The following MCCC2 variants were observed in gnomAD, a reference collection of about 807,000 sequenced individuals.
MCCC2 encodes methylcrotonyl-CoA carboxylase subunit 2.
MCCC2 carries 52 observed loss-of-function variants against 77.2 expected under a neutral mutation model. That is an observed-to-expected ratio of 0.67 (90% CI 0.54 to 0.85). The LOEUF (loss-of-function observed/expected upper bound fraction) is 0.85, where lower values mean the gene tolerates loss of function less well. Among genes scored for constraint, MCCC2 ranks in the 40% least tolerant of loss-of-function variants. The pLI, the probability that MCCC2 is intolerant of heterozygous loss-of-function variation, is 0.00. For missense variants in MCCC2, 682 were observed against 703.2 expected (o/e 0.97, Z 0.34); for synonymous variants, 253 against 248.4 (o/e 1.02, Z -0.18).
intron 4 of MCCC2, among the ~76,000 whole-genome samples, chr5:71,599,997 C>G (rs942617119): frequency 4.6e-5 from 7 of 152,058 alleles, no homozygotes; most frequent in African/African-American, 1.4e-4. Context: ...GAAACCCTGT[C>G]TCTACTAAAA....
In MCCC2 at chr5:71,655,207, A is replaced by G. The variant is rs533800475; in HGVS notation, c.1575-1536A>G. Among the ~76,000 whole-genome samples the G allele has an allele frequency of 2.0e-4, 31 of 152,304 alleles. No homozygotes were observed. The South Asian group carries it at 3.5e-3, about 17-fold the overall frequency. The stretch of plus-strand genomic sequence containing the variant: ...GACAGCAGCTTTCTTTCAAAGCTGA[A>G]AGGATTTCCAAGCCAGTTTATGGTA... On this transcript the variant is annotated intron_variant, in intron 16 of 16. Coordinates refer to ENST00000340941, the MANE Select transcript of MCCC2 (RefSeq NM_022132.5).
At chr5:71,628,270 G>A (rs1365765372) in intron 7 of MCCC2, among the ~76,000 whole-genome samples, 2 of 152,306 alleles carry the variant, frequency 1.3e-5, no homozygotes, top group East Asian at 3.9e-4. Context: ...TTCTATATGT[G>A]TTCTGAATAC....
chr5:71,597,963 A>C (rs1200637241), intron 3 of MCCC2, among the ~76,000 whole-genome samples: 1 of 152,056 alleles, frequency 6.6e-6, no homozygotes, highest in Non-Finnish European at 1.5e-5. Context: ...GTGTAACCTT[A>C]GACAAGTGAC....
intron 6 of MCCC2, among the ~76,000 whole-genome samples, chr5:71,608,886 G>A (rs2112348587): frequency 6.6e-6 from 1 of 152,260 alleles, no homozygotes; most frequent in Admixed American, 6.5e-5. Flanking sequence ...TAAGAATGTT[G>A]AATATTGGCC....
intron 7 of MCCC2, among the ~76,000 whole-genome samples, chr5:71,629,286 T>C (rs1471335509): frequency 1.3e-5 from 2 of 151,902 alleles, no homozygotes; most frequent in African/African-American, 4.8e-5. Flanking sequence ...GGCAAATTCA[T>C]GGAGGCAGAA....
chr5:71,645,552 A>G (rs1324418160), intron 12 of MCCC2, among the ~76,000 whole-genome samples: 2 of 152,266 alleles, frequency 1.3e-5, no homozygotes, highest in Non-Finnish European at 2.9e-5. Flanking sequence ...GATGCATTAA[A>G]GAATTTCAGA....
intron 11 of MCCC2, 93 bp downstream of exon 11, chr5:71,641,168 G>A (rs1747112436): frequency 1.7e-6 from 2 of 1,167,116 alleles, no homozygotes; most frequent in South Asian, 1.3e-5. Context: ...CTTGACATGG[G>A]CTTTGTTGTT....
intron 6 of MCCC2, among the ~76,000 whole-genome samples, chr5:71,609,796 C>G (rs1323164288): frequency 1.3e-5 from 2 of 152,026 alleles, no homozygotes; most frequent in Non-Finnish European, 2.9e-5. Context: ...AGACAGGACC[C>G]TCAGCTGCAG....
chr5:71,588,860 G>C (rs464594), intron 1 of MCCC2, among the ~76,000 whole-genome samples: 67,506 of 151,826 alleles, frequency 0.44, 15,414 homozygotes, highest in South Asian at 0.55. Context: ...TCTGGTGATG[G>C]GATTGATTGA....
intron 6 of MCCC2, among the ~76,000 whole-genome samples, chr5:71,605,093 A>C (rs1173557861): frequency 1.3e-5 from 1 of 76,066 alleles, no homozygotes; most frequent in Non-Finnish European, 3.1e-5. Context: ...TTGGGTATAT[A>C]CCCAGTAATG....
In MCCC2 at chr5:71,626,643, G is replaced by T; in HGVS notation, c.628G>T (p.Ala210Ser). 4 of 1,613,284 alleles carry T rather than the reference G, an allele frequency of 2.5e-6. No homozygotes were observed. The highest frequency in any genetic ancestry group is 1.1e-5 in the South Asian group (1 of 91,068). Residue 210 changes from alanine (A) to serine (S), a missense_variant, in exon 7 of 17, where the codon GCA becomes TCA. Coordinates refer to ENST00000340941, the MANE Select transcript of MCCC2 (RefSeq NM_022132.5). Reference sequence around the variant, plus strand: ...TTGTCGTGTGCTTGGATTCCAGATCGCAGTGGTCATGGGCTCCTGCACCGC... The same window carrying T: ...TTGTCGTGTGCTTGGATTCCAGATCTCAGTGGTCATGGGCTCCTGCACCGC... ...IMSSKNIAQI[A>S]VVMGSCTAGG...
intron 8 of MCCC2, among the ~76,000 whole-genome samples, chr5:71,633,131 A>ATATTTTTTTTAT (rs1554137344): frequency 3.8e-5 from 3 of 78,094 alleles, no homozygotes; most frequent in Non-Finnish European, 4.9e-5. Flanking sequence ...ATATATATAT[A>ATATTTTTTTTAT]TTTTTATTTT....
chr5:71,594,159 G>A (rs1745086008), intron 2 of MCCC2, among the ~76,000 whole-genome samples: 1 of 152,140 alleles, frequency 6.6e-6, no homozygotes, highest in African/African-American at 2.4e-5. Flanking sequence ...GTTTTGTTAG[G>A]GGTGATAACT....
At chr5:71,648,511 A>G (rs1054959559) in intron 13 of MCCC2, among the ~76,000 whole-genome samples, 5 of 152,170 alleles carry the variant, frequency 3.3e-5, no homozygotes, top group Non-Finnish European at 7.3e-5. Flanking sequence ...TATGTCTTCA[A>G]AGTTTCAAAG....
At chr5:71,633,227 G>C (rs1426574690) in intron 8 of MCCC2, among the ~76,000 whole-genome samples, 1 of 150,404 alleles carries the variant, frequency 6.6e-6, no homozygotes, top group Admixed American at 6.7e-5. Context: ...CCCTTCCGAA[G>C]TGCTGGGATT....
chr5:71,650,718 G>A lies in MCCC2; in HGVS notation c.1488+535G>A, dbSNP rs149658127. Among the ~76,000 whole-genome samples the A allele has an allele frequency of 6.3e-3, 957 of 152,086 alleles. 11 individuals carry two copies. The highest frequency in any genetic ancestry group is 0.022 in the African/African-American group (904 of 41,502). On this transcript the variant is annotated intron_variant, in intron 15 of 16. Coordinates refer to ENST00000340941, the MANE Select transcript of MCCC2 (RefSeq NM_022132.5). ...GGCTGGTGTGCAGTGGCACGATCTCGGCTCACTGCAAGCTCCGCCTCCCAG... is the reference window on the plus strand; with the variant it reads ...GGCTGGTGTGCAGTGGCACGATCTCAGCTCACTGCAAGCTCCGCCTCCCAG...
At chr5:71,633,091 TTATA>T (rs137979624) in intron 8 of MCCC2, among the ~76,000 whole-genome samples, 2,373 of 83,890 alleles carry the variant, frequency 0.028, 51 homozygotes, top group South Asian at 0.047. Flanking sequence ...TTTTTCAGTT[TTATA>T]TATATATATA....
chr5:71,641,216 A>G (rs1001284129), intron 11 of MCCC2, 141 bp downstream of exon 11: 13 of 733,074 alleles, frequency 1.8e-5, no homozygotes, highest in African/African-American at 1.8e-4. Context: ...TTTAAAAGGA[A>G]CTGCTTTATA....
intron 3 of MCCC2, among the ~76,000 whole-genome samples, chr5:71,597,126 A>C (rs888065773): frequency 6.6e-6 from 1 of 151,928 alleles, no homozygotes; most frequent in Admixed American, 6.6e-5. Context: ...GGAGAGAGAG[A>C]GAGAGAGCCT....
Sources: allele counts gnomAD v4.1 joint callset (sites outside exome capture counted in the v4.1 genomes callset), GRCh38; gene constraint gnomAD v4.1.1; transcripts MANE v1.5; gene names NCBI Gene and HGNC (gene_info 2026-07-23, HGNC 2026-07-21).